Variants in MYO3A observed in about 807,000 individuals in gnomAD.
MYO3A encodes myosin IIIA, also known as myosin-IIIa.
A neutral mutation model predicts 192.7 loss-of-function variants in MYO3A; 180 were observed. The observed-to-expected ratio is 0.93, with a 90% CI of 0.83 to 1.06. The LOEUF (loss-of-function observed/expected upper bound fraction) is 1.06, where lower values mean the gene tolerates loss of function less well. Among genes scored for constraint, MYO3A ranks in the 50% least tolerant of loss-of-function variants. MYO3A has a pLI of 0.00. For synonymous variants in MYO3A, 628 were observed against 645.3 expected (o/e 0.97, Z 0.41); for missense variants, 1,896 against 1,905.0 (o/e 1.00, Z 0.09).
intron 20 of MYO3A, among the ~76,000 whole-genome samples, chr10:26,132,730 C>A (rs930012812): frequency 6.6e-6 from 1 of 151,796 alleles, no homozygotes; most frequent in African/African-American, 2.4e-5. Context: ...TTACAGACAT[C>A]ATTTAGACAT....
chr10:26,037,925 C>A (rs1009602325), intron 10 of MYO3A, among the ~76,000 whole-genome samples: 4 of 152,162 alleles, frequency 2.6e-5, no homozygotes, highest in African/African-American at 7.2e-5. Context: ...GTCCCTCCCC[C>A]CAACATTAGG....
chr10:26,186,429 G>C (rs969284253), intron 31 of MYO3A, among the ~76,000 whole-genome samples: 8 of 151,898 alleles, frequency 5.3e-5, no homozygotes, highest in African/African-American at 1.9e-4. Flanking sequence ...ACCACACCCG[G>C]CTAATTTTTT....
chr10:26,006,844 G>C lies in MYO3A; in HGVS notation c.508+9586G>C, dbSNP rs531946992. On this transcript the variant is annotated intron_variant, in intron 6 of 34. Coordinates refer to ENST00000642920, the MANE Select transcript of MYO3A (RefSeq NM_017433.5). ...CCATTCCTTCTGAAACTATTCCAAT[G>C]AATAGAAAAAGAGGGAATCCTCCCT... 1.5e-4 allele frequency among the ~76,000 whole-genome samples: 22 copies of C among 151,420 alleles called. No homozygotes were observed. In the South Asian group the frequency reaches 2.7e-3, roughly 19 times the overall value.
At chr10:26,066,229 G>A (rs1357367208) in intron 10 of MYO3A, among the ~76,000 whole-genome samples, 1 of 151,886 alleles carries the variant, frequency 6.6e-6, no homozygotes, top group Non-Finnish European at 1.5e-5. Context: ...AGTTTTCTGA[G>A]TAAGTGTTAA....
chr10:26,009,144 A>G (rs1588765064), intron 6 of MYO3A, among the ~76,000 whole-genome samples: 1 of 125,990 alleles, frequency 7.9e-6, no homozygotes, highest in African/African-American at 3.9e-5. Flanking sequence ...ACCAAACACC[A>G]CATATTCTCA....
intron 20 of MYO3A, among the ~76,000 whole-genome samples, chr10:26,129,448 C>T (rs117886839): frequency 0.023 from 3,442 of 152,212 alleles, 53 homozygotes; most frequent in Non-Finnish European, 0.037. Flanking sequence ...TCCTCTCTGT[C>T]GGTGCCCTCC....
intron 10 of MYO3A, among the ~76,000 whole-genome samples, chr10:26,054,514 C>T (rs913501164): frequency 3.3e-5 from 5 of 152,112 alleles, no homozygotes; most frequent in Non-Finnish European, 5.9e-5. Context: ...GGCTGAGTAA[C>T]GACCCTCTGA....
chr10:26,058,902 A>T (rs7914845), intron 10 of MYO3A, among the ~76,000 whole-genome samples: 17 of 151,364 alleles, frequency 1.1e-4, no homozygotes, highest in African/African-American at 4.1e-4. Flanking sequence ...ATTTTCTTGT[A>T]TGTATTTTGT....
At chr10:26,075,827 T>C (rs953632900) in intron 14 of MYO3A, among the ~76,000 whole-genome samples, 1 of 149,752 alleles carries the variant, frequency 6.7e-6, no homozygotes. Flanking sequence ...GTCTCTCATA[T>C]ATATGATATA....
intron 10 of MYO3A, among the ~76,000 whole-genome samples, chr10:26,061,172 A>G (rs61849335): frequency 0.47 from 71,565 of 151,222 alleles, 17,688 homozygotes; most frequent in Middle Eastern, 0.59. Context: ...CTCATGATCT[A>G]CCCGCCTCAA....
At chr10:25,966,788 C>T (rs114556220) in intron 4 of MYO3A, among the ~76,000 whole-genome samples, 1,726 of 152,250 alleles carry the variant, frequency 0.011, 38 homozygotes, top group African/African-American at 0.037. Flanking sequence ...TTATAGTATA[C>T]GTAAAAACAT....
At chr10:26,002,508 G>A (rs1465069689) in intron 6 of MYO3A, among the ~76,000 whole-genome samples, 1 of 152,102 alleles carries the variant, frequency 6.6e-6, no homozygotes, top group Non-Finnish European at 1.5e-5. Context: ...ATTCTGATTG[G>A]CTAAATTAAA....
At chr10:25,991,714 T>TTTCA (rs1840044354) in intron 4 of MYO3A, among the ~76,000 whole-genome samples, 1 of 152,326 alleles carries the variant, frequency 6.6e-6, no homozygotes, top group Non-Finnish European at 1.5e-5. Context: ...AGGGATCCAG[T>TTTCA]TTCAGCTTTC....
At chr10:25,966,339 T>C (rs1838268051) in intron 4 of MYO3A, among the ~76,000 whole-genome samples, 1 of 152,286 alleles carries the variant, frequency 6.6e-6, no homozygotes, top group Admixed American at 6.5e-5. Context: ...GCCATTTTGG[T>C]AGGTTCTCAA....
At position 25,992,040 on chromosome 10, in the gene MYO3A, A is replaced by T. The variant is rs183690416; in HGVS notation, c.304-4450A>T. 3.5e-3 allele frequency among the ~76,000 whole-genome samples: 527 copies of T among 152,206 alleles called. 2 individuals carry two copies. Among genetic ancestry groups the T allele is most frequent in the Non-Finnish European group, 5.1e-3 (344 of 68,010 alleles). The stretch of plus-strand genomic sequence containing the variant: ...ATGAACTTTAAAATAGTTTTTTCCA[A>T]TTCTGTGAAGAAAGGCATTGGTAGC... On this transcript the variant is annotated intron_variant, in intron 4 of 34. Coordinates refer to ENST00000642920, the MANE Select transcript of MYO3A (RefSeq NM_017433.5).
intron 4 of MYO3A, among the ~76,000 whole-genome samples, chr10:25,955,993 C>T (rs1837510429): frequency 6.6e-6 from 1 of 152,120 alleles, no homozygotes; most frequent in Non-Finnish European, 1.5e-5. Context: ...CAGGAACCAG[C>T]AGGTTCACTT....
chr10:26,117,923 C>T (rs1410277431), intron 17 of MYO3A, among the ~76,000 whole-genome samples: 1 of 152,190 alleles, frequency 6.6e-6, no homozygotes. Context: ...GCCGCACTGT[C>T]TTCAACAATG....
intron 10 of MYO3A, among the ~76,000 whole-genome samples, chr10:26,030,220 G>A (rs1842743462): frequency 6.6e-6 from 1 of 152,106 alleles, no homozygotes; most frequent in Non-Finnish European, 1.5e-5. Context: ...GCCAGACTTT[G>A]AATCAGCCTA....
intron 6 of MYO3A, among the ~76,000 whole-genome samples, chr10:26,007,086 T>C (rs1286353208): frequency 6.8e-6 from 1 of 147,818 alleles, no homozygotes; most frequent in Admixed American, 6.7e-5. Flanking sequence ...TATACGCAAA[T>C]CAATAAACGT....
Sources: gnomAD v4.1 joint callset for allele counts (sites outside exome capture counted in the v4.1 genomes callset) on GRCh38, gnomAD v4.1.1 for gene constraint, MANE v1.5 for transcripts, NCBI Gene and HGNC (gene_info 2026-07-23, HGNC 2026-07-21) for gene names.